The following POLA2 variants were observed in gnomAD, a reference collection of about 807,000 sequenced individuals.
POLA2 encodes DNA polymerase alpha 2, accessory subunit.
POLA2 carries 47 observed loss-of-function variants against 82.8 expected under a neutral mutation model. The ratio of observed to expected loss-of-function variants is 0.57; its 90% CI spans 0.45 to 0.72. POLA2 has a LOEUF of 0.72. Among genes scored for constraint, POLA2 ranks in the 30% least tolerant of loss-of-function variants. The pLI, the probability that POLA2 is intolerant of heterozygous loss-of-function variation, is 0.00. For synonymous variants in POLA2, 287 were observed against 286.8 expected (o/e 1.00, Z -0.01); for missense variants, 634 against 728.1 (o/e 0.87, Z 1.49).
At chr11:65,266,839 C>A in intron 2 of POLA2, 133 bp downstream of exon 2, 1 of 793,956 alleles carries the variant, frequency 1.3e-6, no homozygotes, top group Admixed American at 2.5e-5. Context: ...TGAGCTTGGA[C>A]AAACTATGTC....
At chr11:65,286,958 G>A (rs1012596284) in intron 10 of POLA2, among the ~76,000 whole-genome samples, 1 of 152,186 alleles carries the variant, frequency 6.6e-6, no homozygotes, top group African/African-American at 2.4e-5. Context: ...TTCCCCAGCT[G>A]TCTCATCTGG....
At chr11:65,296,047 C>T (rs1949807941) in intron 17 of POLA2, 57 bp downstream of exon 17, 1 of 1,604,740 alleles carries the variant, frequency 6.2e-7, no homozygotes, top group Non-Finnish European at 8.5e-7. Flanking sequence ...TTGACTTTCC[C>T]TTCTAGACCA....
At chr11:65,269,553 A>C (rs1021696291) in intron 4 of POLA2, among the ~76,000 whole-genome samples, 1 of 152,190 alleles carries the variant, frequency 6.6e-6, no homozygotes, top group African/African-American at 2.4e-5. Flanking sequence ...ACAATGGTGA[A>C]TGAAACAGAC....
At chr11:65,304,148 C>G (rs1949872982) in intron 8 of POLA2, among the ~76,000 whole-genome samples, 1 of 152,140 alleles carries the variant, frequency 6.6e-6, no homozygotes, top group Admixed American at 6.6e-5. Context: ...CTATCCCCGG[C>G]ATCCTACCAT....
chr11:65,281,582 GA>G (rs765247111), intron 8 of POLA2, 87 bp from the exon 9 acceptor site: 6 of 943,606 alleles, frequency 6.4e-6, no homozygotes, highest in Non-Finnish European at 1.0e-5. Flanking sequence ...AGAGTAGTTG[GA>G]CAATGCTTTT....
intron 3 of POLA2, among the ~76,000 whole-genome samples, chr11:65,268,428 T>C (rs1351661274): frequency 6.6e-6 from 1 of 151,656 alleles, no homozygotes. Flanking sequence ...CTCAGCTCAC[T>C]GCAAGCTCCG....
At chr11:65,281,369 G>A (rs1329435900) in intron 8 of POLA2, among the ~76,000 whole-genome samples, 1 of 152,062 alleles carries the variant, frequency 6.6e-6, no homozygotes, top group East Asian at 1.9e-4. Context: ...CCAACTCCCC[G>A]CTCCATGAGG....
intron 15 of POLA2, chr11:65,294,878 A>G (rs973767038): frequency 4.9e-6 from 2 of 405,180 alleles, no homozygotes; most frequent in African/African-American, 2.0e-5. Flanking sequence ...TGAGACCCCA[A>G]AGAACCACGT....
intron 7 of POLA2, chr11:65,280,645 T>C (rs778380943): frequency 1.6e-5 from 4 of 257,388 alleles, no homozygotes. Context: ...TAGCTATTAT[T>C]AAGTAGTTAT....
intron 10 of POLA2, among the ~76,000 whole-genome samples, chr11:65,283,599 A>G (rs571599835): frequency 6.6e-6 from 1 of 151,914 alleles, no homozygotes; most frequent in Admixed American, 6.5e-5. Context: ...CCTCCTAAGT[A>G]GCTGGGATTA....
chr11:65,298,123 C>G lies in POLA2; in HGVS notation c.*854C>G, dbSNP rs1485767327. ...CCCAAAGGCCCCAGTGACCTCTATG[C>G]TGCAGAGGTGCACTGGGTGGGCCCT... On this transcript the variant is annotated 3_prime_UTR_variant, in exon 18 of 18. Coordinates refer to ENST00000265465, the MANE Select transcript of POLA2 (RefSeq NM_002689.4). The G allele has an allele frequency of 6.6e-6, 1 of 152,532 alleles. No individual in the cohort carries two copies. Among genetic ancestry groups the G allele is most frequent in the Non-Finnish European group, 1.5e-5 (1 of 68,280 alleles). The allele number at this position is 152,532 out of a possible 1,614,324, so 9.4% of individuals were successfully genotyped here.
At chr11:65,296,663 G>A (rs1334737690) in intron 17 of POLA2, among the ~76,000 whole-genome samples, 5 of 152,134 alleles carry the variant, frequency 3.3e-5, no homozygotes, top group Admixed American at 2.6e-4. Flanking sequence ...ATATGTGACT[G>A]AGGCCGGGCG....
At chr11:65,281,211 T>C in intron 8 of POLA2, 64 bp downstream of exon 8, 11 of 1,513,260 alleles carry the variant, frequency 7.3e-6, no homozygotes, top group Non-Finnish European at 1.0e-5. Context: ...GTAGGTGCTG[T>C]GCCATGCGCA....
chr11:65,275,587 G>T (rs1316281919), intron 4 of POLA2, among the ~76,000 whole-genome samples: 1 of 152,152 alleles, frequency 6.6e-6, no homozygotes, highest in Non-Finnish European at 1.5e-5. Context: ...TAGAGGTAGG[G>T]ACAGAAAGTA....
chr11:65,268,233 C>T (rs1225671097), intron 3 of POLA2, among the ~76,000 whole-genome samples: 2 of 152,048 alleles, frequency 1.3e-5, no homozygotes, highest in Non-Finnish European at 2.9e-5. Flanking sequence ...CAGGCCACTG[C>T]ACTCCATCCT....
At chr11:65,288,513 T>TG (rs971854840) in intron 11 of POLA2, among the ~76,000 whole-genome samples, 2 of 23,108 alleles carry the variant, frequency 8.7e-5, no homozygotes, top group Middle Eastern at 0.042. Flanking sequence ...TTGTTTTTTG[T>TG]TTTTTTTTTT....
chr11:65,285,724 A>G (rs1949690907), intron 10 of POLA2, among the ~76,000 whole-genome samples: 1 of 152,188 alleles, frequency 6.6e-6, no homozygotes, highest in Non-Finnish European at 1.5e-5. Context: ...AAGCCTTTGG[A>G]AACAGTTTAA....
intron 5 of POLA2, among the ~76,000 whole-genome samples, chr11:65,276,918 G>A (rs1205316650): frequency 6.6e-6 from 1 of 151,538 alleles, no homozygotes; most frequent in East Asian, 1.9e-4. Context: ...AGCTTCCCGA[G>A]TAGCTGGGTC....
At position 65,288,996 on chromosome 11, in the gene POLA2, A is replaced by G. The variant is rs1949726990; in HGVS notation, c.1132-54A>G. On this transcript the variant is annotated intron_variant, in intron 11 of 17. Coordinates refer to ENST00000265465, the MANE Select transcript of POLA2 (RefSeq NM_002689.4). ...AGAGGAGGTATCTGAAGTCATTCAC[A>G]GACACAAGTGATTCTGATTTGTTCT... 3 of 1,545,530 alleles carry G rather than the reference A, an allele frequency of 1.9e-6. No individual in the cohort carries two copies. The Admixed American group carries it at 5.0e-5, about 26-fold the overall frequency.
Sources: gnomAD v4.1 joint callset for allele counts (sites outside exome capture counted in the v4.1 genomes callset) on GRCh38, gnomAD v4.1.1 for gene constraint, MANE v1.5 for transcripts, NCBI Gene and HGNC (gene_info 2026-07-23, HGNC 2026-07-21) for gene names.